RTF1: variants seen among roughly 807,000 people sequenced by gnomAD.
The protein encoded by RTF1 is RTF1 homolog, Paf1/RNA polymerase II complex component, also known as RNA polymerase-associated protein RTF1 homolog.
RTF1 carries 10 observed loss-of-function variants against 95.7 expected under a neutral mutation model. The ratio of observed to expected loss-of-function variants is 0.10; its 90% confidence interval spans 0.06 to 0.18. The LOEUF (loss-of-function observed/expected upper bound fraction) is 0.18, where lower values mean the gene tolerates loss of function less well. RTF1 is among the 10% of genes least tolerant of loss of function. RTF1 has a pLI of 1.00. For missense variants in RTF1, 458 were observed against 875.6 expected (o/e 0.52, Z 6.02); for synonymous variants, 305 against 311.8 (o/e 0.98, Z 0.23).
At position 41,474,654 on chromosome 15, in the gene RTF1, A is replaced by G. The variant is rs764567747; in HGVS notation, c.1238A>G (p.Lys413Arg). The G allele has an allele frequency of 1.9e-6, 3 of 1,614,146 alleles. No individual in the cohort carries two copies. Among genetic ancestry groups the G allele is most frequent in the Non-Finnish European group, 2.5e-6 (3 of 1,179,992 alleles). ...ATTACGGGTGTTGTGGAAACTGCCA[A>G]AGTTTACCAACTAGGTGGCACCAGA... ...AEITGVVETA[K>R]VYQLGGTRTN... is the part of the protein sequence containing the mutation. The change falls in exon 9 of 18, where the codon AAA becomes AGA. Residue 413 changes from lysine (K) to arginine (R), a missense_variant. This residue lies in a region of RTF1 where 150 missense variants were observed against 275.7 expected (regional missense o/e 0.54). Transcript: ENST00000389629.
intron 5 of RTF1, 103 bp from the exon 6 acceptor site, chr15:41,466,038 C>A (rs2050878710): frequency 7.3e-6 from 5 of 685,088 alleles, no homozygotes; most frequent in Non-Finnish European, 9.2e-6. Context: ...GTTTTTGCAG[C>A]CCATATAGAT....
intron 8 of RTF1, among the ~76,000 whole-genome samples, chr15:41,472,044 G>A (rs1285811816): frequency 8.2e-5 from 12 of 146,772 alleles, no homozygotes; most frequent in African/African-American, 2.5e-4. Context: ...GACTACAGGC[G>A]CATGCCACCA....
At position 41,452,753 on chromosome 15, in the gene RTF1, T is replaced by C. The variant is rs1031605843; in HGVS notation, c.310-148T>C. 1.0e-5 allele frequency: 7 copies of C among 686,986 alleles called. No homozygotes were observed. In the Admixed American group the frequency reaches 1.1e-4, roughly 11 times the overall value. 42.6% of individuals were successfully genotyped at this position (686,986 alleles called of 1,614,324 possible). ...TGTTTCAAAAAAAAAATTTTTTTTT[T>C]CAAAAATCTGTATTTTTTTTCATAT... On this transcript the variant is annotated intron_variant, in intron 2 of 17. Coordinates refer to ENST00000389629, the MANE Select transcript of RTF1 (RefSeq NM_015138.5).
intron 2 of RTF1, among the ~76,000 whole-genome samples, chr15:41,448,361 A>G (rs887650917): frequency 2.6e-5 from 4 of 152,060 alleles, no homozygotes; most frequent in African/African-American, 7.2e-5. Flanking sequence ...TAAAAAAATA[A>G]AATTTAAAAA....
At chr15:41,434,221 G>A (rs890337719) in intron 1 of RTF1, among the ~76,000 whole-genome samples, 2 of 151,198 alleles carry the variant, frequency 1.3e-5, no homozygotes, top group Admixed American at 6.6e-5. Flanking sequence ...GGGCTCAAGC[G>A]GTCCTCCCAC....
At chr15:41,434,624 C>CTT (rs61546529) in intron 1 of RTF1, among the ~76,000 whole-genome samples, 2 of 141,516 alleles carry the variant, frequency 1.4e-5, no homozygotes, top group East Asian at 2.1e-4. Context: ...GTACTAATGT[C>CTT]TTTTTTTTTT....
chr15:41,434,843 G>A (rs2050693900), intron 1 of RTF1, among the ~76,000 whole-genome samples: 1 of 151,830 alleles, frequency 6.6e-6, no homozygotes, highest in Admixed American at 6.6e-5. Flanking sequence ...TGGCCAGGAT[G>A]GTCTCGAACT....
intron 6 of RTF1, among the ~76,000 whole-genome samples, chr15:41,467,541 C>A (rs537968968): frequency 6.6e-6 from 1 of 152,070 alleles, no homozygotes; most frequent in Non-Finnish European, 1.5e-5. Context: ...ATGGTGAAAC[C>A]CCATCTCTAC....
Position 41,482,584 on chromosome 15 carries a change from A to G in RTF1, c.*1897A>G, listed in dbSNP as rs2050983255. 6.6e-6 allele frequency: 1 copy of G among 152,538 alleles called. No homozygotes were observed. Among genetic ancestry groups the G allele is most frequent in the African/African-American group, 2.4e-5 (1 of 41,414 alleles). 9.4% of individuals were successfully genotyped at this position (152,538 alleles called of 1,614,324 possible). ...TGGATGGTTTTAAAGGAGTATTATGATTGTAAAATTGCTAAATATGACTGT... is the reference window on the plus strand; with the variant it reads ...TGGATGGTTTTAAAGGAGTATTATGGTTGTAAAATTGCTAAATATGACTGT... On this transcript the variant is annotated 3_prime_UTR_variant, in exon 18 of 18. Transcript: ENST00000389629.
At chr15:41,461,607 A>G (rs1462739546) in intron 4 of RTF1, among the ~76,000 whole-genome samples, 1 of 151,070 alleles carries the variant, frequency 6.6e-6, no homozygotes, top group Non-Finnish European at 1.5e-5. Flanking sequence ...ATTCTGCCTC[A>G]GCCTCCCAAG....
rs570545321 is a variant in RTF1, at chr15:41,423,832, C to T, written c.198+6519C>T. Reference sequence around the variant, plus strand: ...CAGTGGGACGATCTCAGCTCACTGCCACCTCCGCTTCCCGGGTTCAAGCAA... The same window carrying T: ...CAGTGGGACGATCTCAGCTCACTGCTACCTCCGCTTCCCGGGTTCAAGCAA... On this transcript the variant is annotated intron_variant, in intron 1 of 17. Transcript: ENST00000389629. Among the ~76,000 whole-genome samples the T allele has an allele frequency of 1.9e-4, 29 of 152,008 alleles. No individual in the cohort carries two copies. In the South Asian group the frequency reaches 6.0e-3, roughly 32 times the overall value.
intron 2 of RTF1, among the ~76,000 whole-genome samples, chr15:41,443,337 C>T (rs368316181): frequency 2.0e-5 from 3 of 152,110 alleles, no homozygotes; most frequent in Admixed American, 1.3e-4. Flanking sequence ...AGAGTATATA[C>T]TTGTCCTATT....
chr15:41,442,744 G>T (rs550993915), intron 2 of RTF1, among the ~76,000 whole-genome samples: 68 of 151,992 alleles, frequency 4.5e-4, no homozygotes, highest in Non-Finnish European at 8.8e-4. Context: ...AAATTAGCCA[G>T]GCGTAGTAGT....
chr15:41,442,046 A>G (rs879281493), intron 2 of RTF1, among the ~76,000 whole-genome samples: 16 of 152,152 alleles, frequency 1.1e-4, no homozygotes, highest in East Asian at 3.8e-4. Context: ...GTGTAACTCA[A>G]TGTTATTACT....
At chr15:41,468,479 A>G (rs558464406) in intron 6 of RTF1, among the ~76,000 whole-genome samples, 4 of 151,956 alleles carry the variant, frequency 2.6e-5, no homozygotes, top group South Asian at 2.1e-4. Flanking sequence ...CACCACGCCC[A>G]GCTAATTTTT....
At chr15:41,462,909 C>T (rs2050858496) in intron 4 of RTF1, among the ~76,000 whole-genome samples, 1 of 152,148 alleles carries the variant, frequency 6.6e-6, no homozygotes, top group Non-Finnish European at 1.5e-5. Context: ...GCGTGTGCCA[C>T]CACCTGGCCA....
intron 3 of RTF1, among the ~76,000 whole-genome samples, chr15:41,456,313 C>T (rs1430515105): frequency 2.0e-5 from 3 of 150,178 alleles, no homozygotes; most frequent in Non-Finnish European, 3.0e-5. Context: ...GGTGAAACCC[C>T]ATCTCTATTA....
At chr15:41,476,335 G>A (rs2050941737) in intron 11 of RTF1, 111 bp from the exon 12 acceptor site, 5 of 797,180 alleles carry the variant, frequency 6.3e-6, no homozygotes, top group African/African-American at 3.4e-5. Context: ...ACTGCTGTAG[G>A]AAGAGCAGCC....
intron 1 of RTF1, among the ~76,000 whole-genome samples, chr15:41,427,725 A>C (rs777727527): frequency 2.0e-5 from 3 of 152,132 alleles, no homozygotes; most frequent in Non-Finnish European, 4.4e-5. Flanking sequence ...CGCCTGACAG[A>C]GTAGGCACTT....
Sources: gnomAD v4.1 joint callset for allele counts (sites outside exome capture counted in the v4.1 genomes callset) on GRCh38, gnomAD v4.1.1 for gene constraint, gnomAD v4.1.1 regional missense constraint, MANE v1.5 for transcripts, NCBI Gene and HGNC (gene_info 2026-07-23, HGNC 2026-07-21) for gene names.